SYT11: variants seen among roughly 807,000 people sequenced by gnomAD.
SYT11 encodes the protein synaptotagmin-11.
Under a neutral mutation model 30.4 loss-of-function variants are expected in SYT11, and 12 were observed. The ratio of observed to expected loss-of-function variants is 0.39; its 90% CI spans 0.25 to 0.64. The LOEUF is 0.64. Ranked by LOEUF, SYT11 falls within the 30% of genes least tolerant of loss-of-function variation. The pLI is 0.45. For missense variants in SYT11, 412 were observed against 552.0 expected (o/e 0.75, Z 2.54); for synonymous variants, 204 against 216.0 (o/e 0.94, Z 0.49).
At chr1:155,872,583 C>G (rs1672796429) in intron 2 of SYT11, among the ~76,000 whole-genome samples, 1 of 152,206 alleles carries the variant, frequency 6.6e-6, no homozygotes, top group Non-Finnish European at 1.5e-5. Flanking sequence ...ATGAGAAAAT[C>G]CTTTCTCCCC....
chr1:155,871,286 G>A (rs538071902), intron 2 of SYT11, among the ~76,000 whole-genome samples: 13 of 152,186 alleles, frequency 8.5e-5, no homozygotes, highest in African/African-American at 3.1e-4. Context: ...TTTCCTCAGG[G>A]CTCTGCCGAC....
In SYT11 at chr1:155,881,733, C is replaced by G; in HGVS notation, c.*225C>G. On this transcript the variant is annotated 3_prime_UTR_variant, in exon 4 of 4. Coordinates refer to ENST00000368324, the MANE Select transcript of SYT11 (RefSeq NM_152280.5). ...CAAGGCGCTAGAATCTTTTATTTTA[C>G]TTTATTTTTTTTGAGGTGGAGTTTC... 2.5e-6 allele frequency: 1 copy of G among 401,254 alleles called. No homozygotes were observed. Among genetic ancestry groups the G allele is most frequent in the South Asian group, 6.3e-5 (1 of 15,806 alleles). The allele number at this position is 401,254 out of a possible 1,614,324, so 24.9% of individuals were successfully genotyped here.
chr1:155,868,284 T>A lies in SYT11; in HGVS notation c.354T>A (p.Cys118Ter). Residue 118 changes from cysteine to a stop codon, truncating the protein, a stop_gained, in exon 2 of 4, where the codon TGT becomes TGA. Transcript: ENST00000368324. LOFTEE classifies it high-confidence loss of function. The surrounding 1 kb of genome is among the most constrained non-coding windows in gnomAD (Gnocchi z 4.7). ...CCAGGGGGCCTAGCTCTGGATCTTG[T>A]ATAGACCAATTACCCATCAAAATGG... ...KDPRGPSSGS[C>*]IDQLPIKMDY... 6.2e-7 allele frequency: 1 copy of A among 1,614,044 alleles called. No individual in the cohort carries two copies. Among genetic ancestry groups the A allele is most frequent in the Non-Finnish European group, 8.5e-7 (1 of 1,179,998 alleles).
intron 3 of SYT11, 66 bp from the exon 4 acceptor site, chr1:155,881,132 C>T (rs979588085): frequency 2.0e-6 from 3 of 1,489,510 alleles, no homozygotes; most frequent in African/African-American, 1.4e-5. Context: ...ATGAAATTAC[C>T]ATTACATAGG....
intron 2 of SYT11, among the ~76,000 whole-genome samples, chr1:155,878,888 TA>T (rs1048809067): frequency 1.3e-5 from 2 of 150,604 alleles, no homozygotes; most frequent in African/African-American, 4.9e-5. Flanking sequence ...AATTAAAAAA[TA>T]AATAAATAAA....
intron 1 of SYT11, among the ~76,000 whole-genome samples, chr1:155,866,917 TAC>T (rs951159274): frequency 2.6e-4 from 39 of 151,808 alleles, no homozygotes; most frequent in Admixed American, 4.0e-4. Context: ...TACATATATA[TAC>T]ACACACACAT....
chr1:155,867,801 G>T (rs1029391730), intron 1 of SYT11, among the ~76,000 whole-genome samples, 164 bp from the exon 2 acceptor site: 2 of 152,174 alleles, frequency 1.3e-5, no homozygotes, highest in African/African-American at 2.4e-5. Flanking sequence ...TTGGGAGAGG[G>T]TGCCTCTAAT....
chr1:155,877,067 A>T (rs1672874754), intron 2 of SYT11, among the ~76,000 whole-genome samples: 1 of 149,258 alleles, frequency 6.7e-6, no homozygotes, highest in African/African-American at 2.5e-5. Context: ...TCCCGGGTTC[A>T]CGCCATTCTC....
intron 2 of SYT11, among the ~76,000 whole-genome samples, chr1:155,879,396 G>A (rs775296693): frequency 5.3e-5 from 8 of 152,054 alleles, no homozygotes; most frequent in East Asian, 3.9e-4. Context: ...CAGCCTGGGC[G>A]ACAAGAGCGA....
At chr1:155,876,365 C>A (rs759181472) in intron 2 of SYT11, among the ~76,000 whole-genome samples, 1 of 151,306 alleles carries the variant, frequency 6.6e-6, no homozygotes, top group Non-Finnish European at 1.5e-5. Flanking sequence ...CCTGCCTCAG[C>A]CTCCCCAGTA....
chr1:155,860,830 A>G lies in SYT11; in HGVS notation c.34+1035A>G, dbSNP rs1227611835. The stretch of plus-strand genomic sequence containing the variant: ...TCCTCTTTGGGGACTCCTGCAGTAT[A>G]TGCTAAAGGAGCAAACTTCCTGTGT... On this transcript the variant is annotated intron_variant, in intron 1 of 3. Transcript: ENST00000368324. This position sits in a 1 kb window ranked among gnomAD's most constrained non-coding sequence, Gnocchi z 4.1. Among the ~76,000 whole-genome samples, 2 of 152,216 alleles carry G rather than the reference A, an allele frequency of 1.3e-5. No individual in the cohort carries two copies. The highest frequency in any genetic ancestry group is 2.9e-5 in the Non-Finnish European group (2 of 68,040).
chr1:155,864,412 A>C (rs1672636722), intron 1 of SYT11, among the ~76,000 whole-genome samples: 1 of 152,230 alleles, frequency 6.6e-6, no homozygotes, highest in Non-Finnish European at 1.5e-5. Context: ...TAATCTGGAC[A>C]TTATGCTCAT....
chr1:155,866,688 G>A (rs1163139137), intron 1 of SYT11, among the ~76,000 whole-genome samples: 4 of 151,860 alleles, frequency 2.6e-5, no homozygotes, highest in Non-Finnish European at 5.9e-5. Context: ...AATTAAGCAA[G>A]GCTAGGAAGA....
In SYT11 at chr1:155,868,332, C is replaced by A; in HGVS notation, c.402C>A (p.Ser134Arg). ...TGGACTATGGGGAAGAACTAAGGAG[C>A]CCTATTACAAGCCTGACCCCTGGGG... ...IKMDYGEELR[S>R]PITSLTPGES... The change falls in exon 2 of 4, where the codon AGC becomes AGA. Residue 134 changes from serine (S) to arginine (R), a missense_variant. Transcript: ENST00000368324. The surrounding 1 kb of genome is among the most constrained non-coding windows in gnomAD (Gnocchi z 4.7). 1 of 1,613,970 alleles carries A rather than the reference C, an allele frequency of 6.2e-7. No homozygotes were observed. Among genetic ancestry groups the A allele is most frequent in the Non-Finnish European group, 8.5e-7 (1 of 1,179,978 alleles).
Position 155,884,989 on chromosome 1 carries a change from C to G in SYT11, c.*3481C>G, listed in dbSNP as rs1673044271. The G allele has an allele frequency of 6.6e-6, 1 of 152,478 alleles. No individual in the cohort carries two copies. 9.4% of individuals were successfully genotyped at this position (152,478 alleles called of 1,614,324 possible). A position where few individuals can be genotyped will look rare whatever the true frequency, so the allele number is the denominator to read the frequency against. ...CTCCAAAGTGGTTGTCTTTCTTTACCTTGTGTCTTCTCTTGTAAAAATGAA... is the reference window on the plus strand; with the variant it reads ...CTCCAAAGTGGTTGTCTTTCTTTACGTTGTGTCTTCTCTTGTAAAAATGAA... On this transcript the variant is annotated 3_prime_UTR_variant, in exon 4 of 4. Transcript: ENST00000368324.
intron 2 of SYT11, among the ~76,000 whole-genome samples, chr1:155,875,009 C>CT (rs2102562851): frequency 6.7e-6 from 1 of 150,280 alleles, no homozygotes; most frequent in African/African-American, 2.4e-5. Context: ...AATCCCCGCA[C>CT]TTTGGGAGGC....
chr1:155,863,312 G>T (rs746801001), intron 1 of SYT11, among the ~76,000 whole-genome samples: 14 of 151,988 alleles, frequency 9.2e-5, no homozygotes, highest in African/African-American at 3.1e-4. Context: ...AATTAGCCAG[G>T]CATAGTGGCA....
In SYT11 at chr1:155,875,128, C is replaced by T. The variant is rs1425999879; in HGVS notation, c.862-5372C>T. Among the ~76,000 whole-genome samples, 2 of 144,846 alleles carry T rather than the reference C, an allele frequency of 1.4e-5. 1 individual carries two copies. Among genetic ancestry groups the T allele is most frequent in the Non-Finnish European group, 3.1e-5 (2 of 64,826 alleles). On this transcript the variant is annotated intron_variant, in intron 2 of 3. Transcript: ENST00000368324. ...ATTACCCGGGCATGGTGACATGTGC[C>T]TGTAGTCCCAGCTACTCGGGAGGCT...
At position 155,883,100 on chromosome 1, in the gene SYT11, A is replaced by G. The variant is rs973804447; in HGVS notation, c.*1592A>G. ...AGGGATGGAGGAACTACAGGATGCA[A>G]TTCTTCTTCTACCAATGGGCAATAG... On this transcript the variant is annotated 3_prime_UTR_variant, in exon 4 of 4. Transcript: ENST00000368324. 6.6e-6 allele frequency: 1 copy of G among 152,360 alleles called. No homozygotes were observed. Among genetic ancestry groups the G allele is most frequent in the Non-Finnish European group, 1.5e-5 (1 of 68,046 alleles). The allele number at this position is 152,360 out of a possible 1,614,324, so 9.4% of individuals were successfully genotyped here. A position where few individuals can be genotyped will look rare whatever the true frequency, so the allele number is the denominator to read the frequency against.
Sources: allele counts gnomAD v4.1 joint callset (sites outside exome capture counted in the v4.1 genomes callset), GRCh38; gene constraint gnomAD v4.1.1; non-coding constraint Gnocchi (gnomAD v3.1); transcripts MANE v1.5; gene names NCBI Gene and HGNC (gene_info 2026-07-23, HGNC 2026-07-21).